SHPK: variants seen among roughly 807,000 people sequenced by gnomAD.
SHPK encodes carbohydrate kinase-like protein.
SHPK carries 51 observed loss-of-function variants against 46.3 expected under a neutral mutation model. The ratio of observed to expected loss-of-function variants is 1.10; its 90% CI spans 0.88 to 1.39. SHPK has a LOEUF of 1.39. Ranked by LOEUF, SHPK falls within the 40% of genes most tolerant of loss-of-function variation. SHPK has a pLI of 0.00. For missense variants in SHPK, 668 were observed against 641.3 expected, an observed-to-expected ratio of 1.04 and a Z score of -0.45; for synonymous variants, 290 against 273.9, an observed-to-expected ratio of 1.06 and a Z score of -0.58.
At position 3,636,232 on chromosome 17, in the gene SHPK, C is replaced by T. The variant is rs776223051; in HGVS notation, c.-13G>A. 8 of 1,589,804 alleles carry T rather than the reference C, an allele frequency of 5.0e-6. No individual in the cohort carries two copies. Among genetic ancestry groups the T allele is most frequent in the South Asian group, 1.1e-5 (1 of 89,546 alleles). ...GCCGCGCAGCCATTATCTCCCTGACCCGCGCAGCTCCAGTCTGCAGCCAGC... is the reference window on the plus strand; with the variant it reads ...GCCGCGCAGCCATTATCTCCCTGACTCGCGCAGCTCCAGTCTGCAGCCAGC... On this transcript the variant is annotated 5_prime_UTR_variant, in exon 1 of 7. Transcript: ENST00000225519.
intron 6 of SHPK, among the ~76,000 whole-genome samples, chr17:3,614,892 G>C (rs1237748206): frequency 6.6e-6 from 1 of 151,740 alleles, no homozygotes; most frequent in Non-Finnish European, 1.5e-5. Context: ...AGCCTGCATC[G>C]CACTTCCTAT....
Position 3,615,509 on chromosome 17 carries a change from C to G in SHPK, c.852G>C (p.Leu284=), listed in dbSNP as rs778702408. Residue 284 remains leucine (L), a synonymous_variant, in exon 6 of 7, where the codon CTG becomes CTC. Transcript: ENST00000225519. ...AVLNISTSVQ[L]AASMPSGFQP... ...GGAATCCTGAAGGCATGGAGGCTGC[C>G]AGCTGAACCGAGGTGCTGATGTTGA... is the stretch of plus-strand genomic sequence containing the variant. 1.9e-6 allele frequency: 3 copies of G among 1,614,192 alleles called. No homozygotes were observed. The East Asian group carries it at 6.7e-5, about 36-fold the overall frequency.
chr17:3,632,696 A>G (rs774128119), intron 1 of SHPK, among the ~76,000 whole-genome samples: 3 of 152,110 alleles, frequency 2.0e-5, no homozygotes, highest in Non-Finnish European at 4.4e-5. Flanking sequence ...ATCCACGTCG[A>G]ATCCTCGCGC....
intron 1 of SHPK, among the ~76,000 whole-genome samples, chr17:3,633,861 T>C (rs891756490): frequency 1.3e-5 from 2 of 151,918 alleles, no homozygotes; most frequent in African/African-American, 4.8e-5. Context: ...AGAAATCGGA[T>C]GGTTGCTGTG....
In SHPK at chr17:3,610,488, G is replaced by T; in HGVS notation, c.*72C>A. 1 of 1,461,230 alleles carries T rather than the reference G, an allele frequency of 6.8e-7. No homozygotes were observed. The highest frequency in any genetic ancestry group is 1.3e-5 in the South Asian group (1 of 78,706). 90.5% of individuals were successfully genotyped at this position (1,461,230 alleles called of 1,614,324 possible). ...CCACTGAACGGTCCAGGGAAAGGAT[G>T]ACCCACAGATGGTGTCAGGAATGTT... On this transcript the variant is annotated 3_prime_UTR_variant, in exon 7 of 7. Coordinates refer to ENST00000225519, the MANE Select transcript of SHPK (RefSeq NM_013276.4).
rs3744681 is a variant in SHPK, at chr17:3,610,555, G to T, written c.*5C>A. On this transcript the variant is annotated 3_prime_UTR_variant, in exon 7 of 7. Transcript: ENST00000225519. ...CAGCAGTCGTTTGGCGAAAGAGTTT[G>T]CTGTCTAAGATTCCTTCTGGTTGAG... 1 of 1,588,228 alleles carries T rather than the reference G, an allele frequency of 6.3e-7. No individual in the cohort carries two copies. The highest frequency in any genetic ancestry group is 1.1e-5 in the South Asian group (1 of 89,760).
Position 3,610,895 on chromosome 17 carries a change from T to C in SHPK, c.1102A>G (p.Ile368Val). The change falls in exon 7 of 7, where the codon ATC (isoleucine) becomes GTC (valine). Residue 368 changes from isoleucine to valine, a missense_variant. Coordinates refer to ENST00000225519, the MANE Select transcript of SHPK (RefSeq NM_013276.4). Reference protein sequence around the residue: ...AVQQRDTHLTITPTVLGERHL... With the variant: ...AVQQRDTHLTVTPTVLGERHL... Reference sequence around the variant, plus strand: ...CTCTCCCCCAGCACTGTCGGGGTGATGGTCAGGTGGGTATCTCTCTGCTGC... The same window carrying C: ...CTCTCCCCCAGCACTGTCGGGGTGACGGTCAGGTGGGTATCTCTCTGCTGC... 1 of 1,613,896 alleles carries C rather than the reference T, an allele frequency of 6.2e-7. No homozygotes were observed. Among genetic ancestry groups the C allele is most frequent in the Non-Finnish European group, 8.5e-7 (1 of 1,179,950 alleles).
intron 5 of SHPK, chr17:3,619,907 C>T: frequency 4.2e-6 from 1 of 238,682 alleles, no homozygotes; most frequent in South Asian, 5.6e-5. Context: ...CCTCCCAGCG[C>T]CGCCAAGCGC....
At chr17:3,634,344 C>T (rs1373985177) in intron 1 of SHPK, among the ~76,000 whole-genome samples, 2 of 151,158 alleles carry the variant, frequency 1.3e-5, no homozygotes, top group East Asian at 3.9e-4. Flanking sequence ...CCGAGGCAGG[C>T]AGATCAGTTG....
intron 2 of SHPK, among the ~76,000 whole-genome samples, chr17:3,626,029 G>A (rs544801675): frequency 6.6e-6 from 1 of 150,756 alleles, no homozygotes; most frequent in Admixed American, 6.6e-5. Context: ...CTCCAGCCTG[G>A]GCAACAGAGT....
In SHPK at chr17:3,610,407, G is replaced by T. The variant is rs1031686468; in HGVS notation, c.*153C>A. 1.3e-6 allele frequency: 1 copy of T among 772,208 alleles called. No individual in the cohort carries two copies. The highest frequency in any genetic ancestry group is 2.6e-5 in the East Asian group (1 of 39,000). 47.8% of individuals were successfully genotyped at this position (772,208 alleles called of 1,614,324 possible). ...TGGCTGCATTATTAGAGTATGTTCT[G>T]AAGGTAAGTTCTTGGCCGAGATGGG... On this transcript the variant is annotated 3_prime_UTR_variant, in exon 7 of 7. Transcript: ENST00000225519.
chr17:3,615,488 T>G lies in SHPK; in HGVS notation c.873A>C (p.Gly291=), dbSNP rs1298971873. Residue 291 remains glycine, a synonymous_variant, in exon 6 of 7, where the codon GGA becomes GGC. Transcript: ENST00000225519. ...SVQLAASMPS[G]FQPAQTPDPT... is the part of the protein sequence containing the mutation. ...GGTCTGGAGTCTGTGCAGGCTGGAA[T>G]CCTGAAGGCATGGAGGCTGCCAGCT... The G allele has an allele frequency of 1.2e-6, 2 of 1,614,112 alleles. No homozygotes were observed.
intron 4 of SHPK, among the ~76,000 whole-genome samples, chr17:3,621,891 C>T (rs1054137015): frequency 4.0e-5 from 6 of 151,678 alleles, no homozygotes; most frequent in Non-Finnish European, 8.8e-5. Flanking sequence ...GACCTCACAT[C>T]GTTCACCCGC....
intron 6 of SHPK, among the ~76,000 whole-genome samples, chr17:3,611,391 A>C (rs1422605448): frequency 6.6e-6 from 1 of 152,212 alleles, no homozygotes; most frequent in Non-Finnish European, 1.5e-5. Context: ...CAACGTGGTG[A>C]AACCCTGTCT....
intron 6 of SHPK, among the ~76,000 whole-genome samples, chr17:3,614,441 C>T (rs979690812): frequency 4.0e-5 from 6 of 151,868 alleles, no homozygotes; most frequent in Non-Finnish European, 7.4e-5. Context: ...AGGAGAATGG[C>T]GTGAACCTGG....
chr17:3,615,529 T>C lies in SHPK; in HGVS notation c.832A>G (p.Ile278Val). The C allele has an allele frequency of 6.2e-7, 1 of 1,614,120 alleles. No individual in the cohort carries two copies. Among genetic ancestry groups the C allele is most frequent in the Non-Finnish European group, 8.5e-7 (1 of 1,179,966 alleles). Residue 278 changes from isoleucine (I) to valine (V), a missense_variant, in exon 6 of 7, where the codon ATC (isoleucine) becomes GTC (valine). Ile to Val is a conservative substitution (Grantham distance 29). Coordinates refer to ENST00000225519, the MANE Select transcript of SHPK (RefSeq NM_013276.4). ...GCTGCCAGCTGAACCGAGGTGCTGA[T>C]GTTGAGAACTGGGGTCCGAAGAGAG... ...MAQRTDAVLN[I>V]STSVQLAASM...
intron 3 of SHPK, 136 bp downstream of exon 3, chr17:3,623,912 G>A (rs1341259856): frequency 1.2e-6 from 1 of 852,852 alleles, no homozygotes; most frequent in African/African-American, 1.7e-5. Context: ...CGAGGTCCAG[G>A]CCATGCTGCA....
intron 2 of SHPK, among the ~76,000 whole-genome samples, chr17:3,629,100 G>A (rs2075455141): frequency 6.6e-6 from 1 of 152,076 alleles, no homozygotes; most frequent in South Asian, 2.1e-4. Context: ...ACCCTGCCAG[G>A]CCTTTAAAAG....
intron 6 of SHPK, among the ~76,000 whole-genome samples, chr17:3,614,890 T>A (rs1203362288): frequency 1.3e-5 from 2 of 151,416 alleles, no homozygotes; most frequent in East Asian, 3.9e-4. Flanking sequence ...AAAGCCTGCA[T>A]CGCACTTCCT....
Sources: gnomAD v4.1 joint callset for allele counts (sites outside exome capture counted in the v4.1 genomes callset) on GRCh38, gnomAD v4.1.1 for gene constraint, MANE v1.5 for transcripts, NCBI Gene and HGNC (gene_info 2026-07-23, HGNC 2026-07-21) for gene names.